PARD3: variants seen among roughly 807,000 people sequenced by gnomAD.
PARD3 encodes the protein partitioning defective 3 homolog.
A neutral mutation model predicts 155.4 loss-of-function variants in PARD3; 75 were observed. The observed-to-expected ratio is 0.48, with a 90% confidence interval of 0.40 to 0.58. The LOEUF (loss-of-function observed/expected upper bound fraction) is 0.58. Among genes scored for constraint, PARD3 ranks in the 20% least tolerant of loss-of-function variants. The pLI is 0.00. For missense variants in PARD3, 1,642 were observed against 1,721.7 expected, an observed-to-expected ratio of 0.95 and a Z score of 0.82; for synonymous variants, 576 against 610.5, an observed-to-expected ratio of 0.94 and a Z score of 0.83.
intron 22 of PARD3, among the ~76,000 whole-genome samples, chr10:34,211,924 T>C (rs1289156814): frequency 1.3e-5 from 2 of 152,116 alleles, no homozygotes; most frequent in African/African-American, 2.4e-5. Context: ...TTTCTGGTAT[T>C]TGGGGACACT....
rs148403235 is a variant in PARD3, at chr10:34,747,086, T to C, written c.121-50667A>G. Among the ~76,000 whole-genome samples, 727 of 152,360 alleles carry C rather than the reference T, an allele frequency of 4.8e-3. 2 individuals are homozygous for C. Among genetic ancestry groups the C allele is most frequent in the African/African-American group, 0.016 (648 of 41,592 alleles). Reference sequence around the variant, plus strand: ...CCAAGTATCTTCAATTAAAGATATTTGCTTCTGCTTCTGCTGAGATACTGG... The same window carrying C: ...CCAAGTATCTTCAATTAAAGATATTCGCTTCTGCTTCTGCTGAGATACTGG... On this transcript the variant is annotated intron_variant, in intron 1 of 24. Transcript: ENST00000374788.
intron 22 of PARD3, among the ~76,000 whole-genome samples, chr10:34,263,858 T>C (rs959566939): frequency 6.6e-6 from 1 of 152,186 alleles, no homozygotes; most frequent in Non-Finnish European, 1.5e-5. Flanking sequence ...ATTAGATGCA[T>C]AACAAAATGA....
chr10:34,504,248 C>T (rs991350716), intron 3 of PARD3, among the ~76,000 whole-genome samples: 8 of 151,848 alleles, frequency 5.3e-5, no homozygotes, highest in African/African-American at 1.9e-4. Context: ...CTTGCCTTGG[C>T]CTCCTGAGTA....
At chr10:34,783,940 G>T (rs80233372) in intron 1 of PARD3, among the ~76,000 whole-genome samples, 2 of 152,216 alleles carry the variant, frequency 1.3e-5, no homozygotes, top group Admixed American at 6.5e-5. Context: ...CAGGTACAGT[G>T]GCTCACGGCT....
At chr10:34,697,597 T>C (rs575212173) in intron 1 of PARD3, among the ~76,000 whole-genome samples, 38 of 152,324 alleles carry the variant, frequency 2.5e-4, no homozygotes, top group African/African-American at 7.2e-4. Context: ...CCAATCCTTG[T>C]CACTTTTTAA....
chr10:34,262,121 GGGTTTGTAGTCAA>G (rs9299715), intron 22 of PARD3, among the ~76,000 whole-genome samples: 81,953 of 151,860 alleles, frequency 0.54, 22,438 homozygotes, highest in Middle Eastern at 0.66. Flanking sequence ...GTAAAAATGT[GGGTTTGTAGTCAA>G]CTACATCTAC....
At chr10:34,325,364 G>A (rs1406311128) in intron 19 of PARD3, among the ~76,000 whole-genome samples, 1 of 152,058 alleles carries the variant, frequency 6.6e-6, no homozygotes, top group Admixed American at 6.6e-5. Flanking sequence ...AACTACTGCA[G>A]CCCAGAGATG....
At chr10:34,370,946 T>C (rs893527757) in intron 12 of PARD3, among the ~76,000 whole-genome samples, 1 of 152,096 alleles carries the variant, frequency 6.6e-6, no homozygotes, top group East Asian at 1.9e-4. Context: ...GCAATTGTTA[T>C]AAACACTACG....
chr10:34,345,299 T>G, intron 15 of PARD3: 1 of 985,406 alleles, frequency 1.0e-6, no homozygotes, highest in Non-Finnish European at 1.2e-6. Flanking sequence ...TCGCCAGGGA[T>G]GTGTTCACAT....
chr10:34,299,901 T>C lies in PARD3; in HGVS notation c.3066-15656A>G, dbSNP rs540263520. On this transcript the variant is annotated intron_variant, in intron 20 of 24. Transcript: ENST00000374788. ...AAATAATAATTAGTTCATAATACTTTATTACTGAAAATATAAAAGAAAATC... is the reference window on the plus strand; with the variant it reads ...AAATAATAATTAGTTCATAATACTTCATTACTGAAAATATAAAAGAAAATC... Among the ~76,000 whole-genome samples, 170 of 152,336 alleles carry C rather than the reference T, an allele frequency of 1.1e-3. 2 individuals are homozygous for C. Among genetic ancestry groups the C allele is most frequent in the Admixed American group, 3.3e-3 (51 of 15,308 alleles).
intron 19 of PARD3, among the ~76,000 whole-genome samples, chr10:34,320,305 T>C (rs1958296086): frequency 6.6e-6 from 1 of 152,206 alleles, no homozygotes; most frequent in African/African-American, 2.4e-5. Context: ...TGATATTTGG[T>C]TTAGCTCTAA....
At chr10:34,598,372 G>C (rs1427432032) in intron 2 of PARD3, among the ~76,000 whole-genome samples, 2 of 152,176 alleles carry the variant, frequency 1.3e-5, no homozygotes, top group Non-Finnish European at 2.9e-5. Context: ...AGAACTGGCA[G>C]CAGATGTCAG....
chr10:34,540,960 T>C (rs747988719), intron 2 of PARD3, among the ~76,000 whole-genome samples: 1 of 152,166 alleles, frequency 6.6e-6, no homozygotes, highest in Non-Finnish European at 1.5e-5. Flanking sequence ...CAAGCTTAAG[T>C]ATATAGTCAC....
intron 7 of PARD3, among the ~76,000 whole-genome samples, chr10:34,398,229 C>A (rs1382593573): frequency 6.6e-6 from 1 of 152,142 alleles, no homozygotes; most frequent in African/African-American, 2.4e-5. Flanking sequence ...AATCTGAACT[C>A]ACCACAGTTA....
intron 22 of PARD3, among the ~76,000 whole-genome samples, chr10:34,223,832 T>A (rs180834780): frequency 6.6e-6 from 1 of 152,158 alleles, no homozygotes; most frequent in African/African-American, 2.4e-5. Context: ...ACTGCTTGTA[T>A]TGAATGGGAA....
At chr10:34,784,324 A>G (rs973641845) in intron 1 of PARD3, among the ~76,000 whole-genome samples, 1 of 152,366 alleles carries the variant, frequency 6.6e-6, no homozygotes, top group African/African-American at 2.4e-5. Flanking sequence ...CATGTGAGAC[A>G]GAAGGAGAAA....
At chr10:34,372,304 C>G (rs537848568) in intron 12 of PARD3, among the ~76,000 whole-genome samples, 194 bp downstream of exon 12, 6 of 152,238 alleles carry the variant, frequency 3.9e-5, no homozygotes, top group East Asian at 1.9e-4. Flanking sequence ...AAATTAATCA[C>G]AAAATATACT....
At chr10:34,178,028 A>G (rs1950112982) in intron 22 of PARD3, among the ~76,000 whole-genome samples, 1 of 152,234 alleles carries the variant, frequency 6.6e-6, no homozygotes, top group African/African-American at 2.4e-5. Context: ...ATGTCTGCAT[A>G]AGGATTTTCT....
At chr10:34,515,950 T>G (rs1251126975) in intron 3 of PARD3, among the ~76,000 whole-genome samples, 1 of 148,746 alleles carries the variant, frequency 6.7e-6, no homozygotes, top group African/African-American at 2.6e-5. Flanking sequence ...TCCAAATAGA[T>G]GTACCTAAAA....
Sources: allele counts gnomAD v4.1 joint callset (sites outside exome capture counted in the v4.1 genomes callset), GRCh38; gene constraint gnomAD v4.1.1; transcripts MANE v1.5; gene names NCBI Gene and HGNC (gene_info 2026-07-23, HGNC 2026-07-21).